Variants in APBB2 observed in about 807,000 individuals in gnomAD.
APBB2 encodes amyloid beta precursor protein binding family B member 2, also known as Fe65-like 1.
APBB2 carries 38 observed loss-of-function variants against 82.5 expected under a neutral mutation model. That is an observed-to-expected ratio of 0.46 (90% CI 0.36 to 0.60). The LOEUF is 0.60. APBB2 is among the 20% of genes least tolerant of loss of function. The probability of loss-of-function intolerance (pLI) is 0.00; values close to 1 mark genes in which losing one functional copy is unlikely to be tolerated. For missense variants in APBB2, 772 were observed against 972.3 expected (o/e 0.79, Z 2.74); for synonymous variants, 341 against 368.2 (o/e 0.93, Z 0.85).
intron 10 of APBB2, among the ~76,000 whole-genome samples, chr4:40,927,283 G>T (rs1290957274): frequency 6.6e-6 from 1 of 152,112 alleles, no homozygotes; most frequent in African/African-American, 2.4e-5. Context: ...AAAATGACGT[G>T]TTATACACTG....
chr4:41,046,601 A>C (rs1287154255), intron 4 of APBB2, among the ~76,000 whole-genome samples: 9 of 152,234 alleles, frequency 5.9e-5, no homozygotes, highest in Admixed American at 5.9e-4. Flanking sequence ...GTTTAAAAAA[A>C]AAAATCAAGA....
Position 40,813,715 on chromosome 4 carries a change from T to C in APBB2, c.*2377A>G, listed in dbSNP as rs1744909459. 2.6e-5 allele frequency: 4 copies of C among 152,292 alleles called. No homozygotes were observed. The highest frequency in any genetic ancestry group is 1.9e-4 in the East Asian group (1 of 5,192). The allele number at this position is 152,292 out of a possible 1,614,324, so 9.4% of individuals were successfully genotyped here. A position where few individuals can be genotyped will look rare whatever the true frequency, so the allele number is the denominator to read the frequency against. ...ATTCTTGATCTTGAAAACAAGCAAA[T>C]GTATGCCTTAAAAAATGAAGAGGGA... is the stretch of plus-strand genomic sequence containing the variant. On this transcript the variant is annotated 3_prime_UTR_variant, in exon 18 of 18. Transcript: ENST00000508593.
At chr4:40,978,936 T>TC (rs1797836935) in intron 6 of APBB2, among the ~76,000 whole-genome samples, 1 of 151,762 alleles carries the variant, frequency 6.6e-6, no homozygotes. Context: ...ATTTTTTTTT[T>TC]AAAAGAAAAC....
intron 13 of APBB2, among the ~76,000 whole-genome samples, chr4:40,828,337 C>T (rs1750661016): frequency 1.3e-5 from 2 of 152,274 alleles, no homozygotes; most frequent in Non-Finnish European, 2.9e-5. Context: ...GAAAGAAGCC[C>T]ACCCTTTAGT....
chr4:40,968,430 C>G (rs1353042415), intron 6 of APBB2, among the ~76,000 whole-genome samples: 1 of 152,276 alleles, frequency 6.6e-6, no homozygotes, highest in Non-Finnish European at 1.5e-5. Flanking sequence ...CTTGTTGTGA[C>G]TACAGTGCTT....
rs1182967735 is a variant in APBB2, at chr4:41,013,744, G to A, written c.674C>T (p.Thr225Ile). The change falls in exon 6 of 18, where the codon ACA becomes ATA. Residue 225 changes from threonine to isoleucine, a missense_variant. Transcript: ENST00000508593. ...QSSPEDGQVA[T>I]VSSSPETKKD... ...CTTGGTTTCTGGGCTGGATGACACT[G>A]TGGCTACTTGGCCGTCTTCAGGGCT... 1 of 1,614,204 alleles carries A rather than the reference G, an allele frequency of 6.2e-7. No individual in the cohort carries two copies. Among genetic ancestry groups the A allele is most frequent in the South Asian group, 1.1e-5 (1 of 91,082 alleles).
At chr4:41,060,490 A>G (rs1336927619) in intron 4 of APBB2, among the ~76,000 whole-genome samples, 1 of 152,176 alleles carries the variant, frequency 6.6e-6, no homozygotes, top group Non-Finnish European at 1.5e-5. Context: ...GATGGTTATT[A>G]TCCAGTTCCA....
intron 6 of APBB2, among the ~76,000 whole-genome samples, chr4:40,951,419 A>C (rs1790124319): frequency 6.6e-6 from 1 of 152,268 alleles, no homozygotes; most frequent in African/African-American, 2.4e-5. Flanking sequence ...AATCCAAGCA[A>C]AAAGAATGGA....
chr4:41,010,025 G>T (rs981858537), intron 6 of APBB2, among the ~76,000 whole-genome samples: 5 of 152,096 alleles, frequency 3.3e-5, no homozygotes, highest in Admixed American at 2.6e-4. Context: ...ACCAATCTAT[G>T]TATTACCTGA....
At chr4:40,829,839 C>A (rs996976098) in intron 13 of APBB2, among the ~76,000 whole-genome samples, 57 of 152,260 alleles carry the variant, frequency 3.7e-4, no homozygotes, top group Non-Finnish European at 7.6e-4. Flanking sequence ...TGCCTCCCAG[C>A]TGGACAGGGT....
intron 4 of APBB2, among the ~76,000 whole-genome samples, chr4:41,057,565 A>G (rs1430777063): frequency 6.6e-6 from 1 of 152,240 alleles, no homozygotes; most frequent in African/African-American, 2.4e-5. Flanking sequence ...AAACTGACCT[A>G]TCTTATGACT....
At chr4:40,867,864 C>CTTTTTTTTT (rs35665507) in intron 12 of APBB2, among the ~76,000 whole-genome samples, 1 of 138,794 alleles carries the variant, frequency 7.2e-6, no homozygotes. Context: ...ATTTCTGGGG[C>CTTTTTTTTT]TTTTTTTTTT....
intron 7 of APBB2, among the ~76,000 whole-genome samples, chr4:40,936,192 C>T (rs1381226291): frequency 9.2e-5 from 14 of 152,238 alleles, no homozygotes; most frequent in Admixed American, 7.8e-4. Flanking sequence ...GTTTTAAAAA[C>T]CACTAAAAGC....
chr4:41,102,258 C>T (rs1348058135), intron 2 of APBB2, among the ~76,000 whole-genome samples: 18 of 152,112 alleles, frequency 1.2e-4, no homozygotes, highest in South Asian at 2.1e-4. Flanking sequence ...CAGACAGAAC[C>T]CTGCAAACAC....
At chr4:41,070,712 G>A (rs1381319539) in intron 3 of APBB2, among the ~76,000 whole-genome samples, 2 of 152,118 alleles carry the variant, frequency 1.3e-5, no homozygotes, top group Admixed American at 6.6e-5. Flanking sequence ...TATGTACCAC[G>A]TGACATTTTT....
rs114057825 is a variant in APBB2 at position 41,105,057 on chromosome 4, A to G, written c.-260-4307T>C. Among the ~76,000 whole-genome samples, 891 of 151,978 alleles carry G rather than the reference A, an allele frequency of 5.9e-3. 13 individuals are homozygous for G. The highest frequency in any genetic ancestry group is 0.021 in the African/African-American group (850 of 41,440). ...CATATAGGGCAGTTACTTTAATAGGACTCCCACTCTCAAGAATGTGCTGAG... is the reference window on the plus strand; with the variant it reads ...CATATAGGGCAGTTACTTTAATAGGGCTCCCACTCTCAAGAATGTGCTGAG... On this transcript the variant is annotated intron_variant, in intron 2 of 17. Transcript: ENST00000508593.
chr4:41,004,039 T>C (rs1805966851), intron 6 of APBB2, among the ~76,000 whole-genome samples: 1 of 151,542 alleles, frequency 6.6e-6, no homozygotes, highest in South Asian at 2.1e-4. Context: ...GCCTCCAGAA[T>C]GATGGGTGAA....
chr4:41,146,237 G>A (rs187290612), intron 1 of APBB2, among the ~76,000 whole-genome samples: 3 of 148,790 alleles, frequency 2.0e-5, no homozygotes, highest in Non-Finnish European at 3.0e-5. Context: ...GAGGCAGGAG[G>A]ATCACTTGAA....
chr4:41,196,418 G>A, intron 1 of APBB2, among the ~76,000 whole-genome samples: 3 of 152,082 alleles, frequency 2.0e-5, no homozygotes, highest in Non-Finnish European at 4.4e-5. Context: ...CCTTTGCCCA[G>A]CCACTTATTA....
Sources: allele counts gnomAD v4.1 joint callset (sites outside exome capture counted in the v4.1 genomes callset), GRCh38; gene constraint gnomAD v4.1.1; transcripts MANE v1.5; gene names NCBI Gene and HGNC (gene_info 2026-07-23, HGNC 2026-07-21).